Variants in EGFR observed in about 807,000 individuals in gnomAD.
EGFR encodes avian erythroblastic leukemia viral (v-erb-b) oncogene homolog.
In EGFR, 58 loss-of-function variants were observed where a neutral mutation model predicts 143.0. The observed-to-expected ratio is 0.41, with a 90% CI of 0.33 to 0.50. The LOEUF is 0.50. EGFR is among the 20% of genes least tolerant of loss of function. The pLI is 0.39. For missense variants in EGFR, 1,307 were observed against 1,579.0 expected (o/e 0.83, Z 2.92); for synonymous variants, 613 against 594.4 (o/e 1.03, Z -0.45).
intron 1 of EGFR, among the ~76,000 whole-genome samples, chr7:55,062,966 G>A (rs755949473): frequency 2.0e-5 from 3 of 151,974 alleles, no homozygotes; most frequent in Non-Finnish European, 4.4e-5. Context: ...GAGGCACCAC[G>A]GTTCCCTTTT....
At chr7:55,086,751 T>C (rs111280020) in intron 1 of EGFR, among the ~76,000 whole-genome samples, 1,851 of 152,320 alleles carry the variant, frequency 0.012, 20 homozygotes, top group Middle Eastern at 0.034. Context: ...GGCAGCCCCA[T>C]GGGAAAGATG....
chr7:55,098,418 T>C (rs1469650375), intron 1 of EGFR, among the ~76,000 whole-genome samples: 1 of 152,146 alleles, frequency 6.6e-6, no homozygotes, highest in Non-Finnish European at 1.5e-5. Flanking sequence ...CTCCATAGAA[T>C]GAAATACTCT....
intron 1 of EGFR, among the ~76,000 whole-genome samples, chr7:55,068,249 C>A (rs533046501): frequency 1.6e-4 from 25 of 152,212 alleles, no homozygotes; most frequent in Non-Finnish European, 2.9e-4. Context: ...AATCCTCAAT[C>A]CTCACCATCC....
chr7:55,189,741 C>T (rs183051665), intron 20 of EGFR, among the ~76,000 whole-genome samples: 4 of 151,846 alleles, frequency 2.6e-5, no homozygotes, highest in East Asian at 1.9e-4. Flanking sequence ...ATGTGAAGAA[C>T]GAACAAAAGG....
chr7:55,125,514 A>G (rs2128916657), intron 1 of EGFR, among the ~76,000 whole-genome samples: 1 of 152,360 alleles, frequency 6.6e-6, no homozygotes, highest in African/African-American at 2.4e-5. Flanking sequence ...CCTCCCATAA[A>G]GCAAACACAT....
chr7:55,031,503 C>T (rs770365486), intron 1 of EGFR, among the ~76,000 whole-genome samples: 8 of 122,820 alleles, frequency 6.5e-5, no homozygotes, highest in Non-Finnish European at 6.7e-5. Flanking sequence ...AGAGTAGTGA[C>T]GTGCCTGGTG....
intron 1 of EGFR, among the ~76,000 whole-genome samples, chr7:55,131,398 G>A (rs1793824528): frequency 6.6e-6 from 1 of 151,888 alleles, no homozygotes. Context: ...AGCAAGCAGT[G>A]GACTGCTCAT....
Position 55,125,289 on chromosome 7 carries a change from A to G in EGFR, c.89-16997A>G, listed in dbSNP as rs188429016. Among the ~76,000 whole-genome samples, 1,342 of 152,384 alleles carry G rather than the reference A, an allele frequency of 8.8e-3. 6 individuals carry two copies. Among genetic ancestry groups the G allele is most frequent in the Non-Finnish European group, 0.014 (926 of 68,038 alleles). The stretch of plus-strand genomic sequence containing the variant: ...CTAAAATGTGCAACATGGGATTGAG[A>G]AAACTAATTATTAGTCATAAGTTGA... On this transcript the variant is annotated intron_variant, in intron 1 of 27. Transcript: ENST00000275493.
intron 1 of EGFR, among the ~76,000 whole-genome samples, chr7:55,033,970 G>A (rs983553990): frequency 1.3e-5 from 2 of 152,126 alleles, no homozygotes; most frequent in African/African-American, 2.4e-5. Context: ...GACTGTGACT[G>A]GCCCATTTCT....
At chr7:55,020,589 C>CACAG (rs2128855179) in intron 1 of EGFR, among the ~76,000 whole-genome samples, 1 of 152,080 alleles carries the variant, frequency 6.6e-6, no homozygotes, top group East Asian at 1.9e-4. Flanking sequence ...CACACACACA[C>CACAG]ACACCGGATT....
chr7:55,201,237 G>A lies in EGFR; in HGVS notation c.2996G>A (p.Arg999His), dbSNP rs149248025. Residue 999 changes from arginine to histidine, a missense_variant, in exon 25 of 28, where the codon CGT (arginine) becomes CAT (histidine). Transcript: ENST00000275493. ...AGTCCTACAGACTCCAACTTCTACC[G>A]TGCCCTGATGGATGAAGAAGACATG... ...LPSPTDSNFYRALMDEEDMDD... is the reference protein window; with the variant it reads ...LPSPTDSNFYHALMDEEDMDD... 7.7e-5 allele frequency: 125 copies of A among 1,613,994 alleles called. No homozygotes were observed. In the Middle Eastern group the frequency reaches 9.9e-4, roughly 13 times the overall value.
intron 1 of EGFR, among the ~76,000 whole-genome samples, chr7:55,124,261 C>T (rs1793387213): frequency 6.6e-6 from 1 of 152,176 alleles, no homozygotes; most frequent in Non-Finnish European, 1.5e-5. Context: ...TTTGTTCCAA[C>T]ATGTTTTATT....
intron 18 of EGFR, 98 bp from the exon 19 acceptor site, chr7:55,174,624 C>A (rs62457090): frequency 1.9e-6 from 2 of 1,048,768 alleles, no homozygotes; most frequent in Non-Finnish European, 3.0e-6. Flanking sequence ...CCCTCACCTT[C>A]GGGGTGCATC....
intron 1 of EGFR, among the ~76,000 whole-genome samples, chr7:55,052,103 C>T (rs1788524698): frequency 6.6e-6 from 1 of 152,214 alleles, no homozygotes; most frequent in Non-Finnish European, 1.5e-5. Flanking sequence ...CTCACAGCCT[C>T]TTACTTCACC....
intron 7 of EGFR, among the ~76,000 whole-genome samples, chr7:55,154,481 G>T (rs1358348167): frequency 1.3e-5 from 2 of 152,262 alleles, no homozygotes; most frequent in African/African-American, 2.4e-5. Flanking sequence ...GTATTCAGTT[G>T]TCTGCTGGGC....
At chr7:55,035,795 A>T (rs903338771) in intron 1 of EGFR, among the ~76,000 whole-genome samples, 1 of 152,142 alleles carries the variant, frequency 6.6e-6, no homozygotes, top group African/African-American at 2.4e-5. Flanking sequence ...TTTTCTTGTT[A>T]ACTTTTTATT....
At chr7:55,087,291 A>AAAAAAC (rs1790828401) in intron 1 of EGFR, among the ~76,000 whole-genome samples, 1 of 151,556 alleles carries the variant, frequency 6.6e-6, no homozygotes, top group African/African-American at 2.4e-5. Flanking sequence ...AAACAAAAAA[A>AAAAAAC]AAAAAACCTG....
intron 16 of EGFR, among the ~76,000 whole-genome samples, chr7:55,171,538 CCT>C (rs1431284234): frequency 6.6e-6 from 1 of 152,198 alleles, no homozygotes; most frequent in African/African-American, 2.4e-5. Context: ...GCCTCTAGCT[CCT>C]CTTTTTTTCT....
intron 1 of EGFR, among the ~76,000 whole-genome samples, chr7:55,029,002 C>CA (rs369524066): frequency 0.018 from 2,779 of 151,644 alleles, 101 homozygotes; most frequent in African/African-American, 0.063. Context: ...ACTAAAAATA[C>CA]AAAAAAAACA....
Sources: gnomAD v4.1 joint callset for allele counts (sites outside exome capture counted in the v4.1 genomes callset) on GRCh38, gnomAD v4.1.1 for gene constraint, MANE v1.5 for transcripts, NCBI Gene and HGNC (gene_info 2026-07-23, HGNC 2026-07-21) for gene names.